Variants in ERLIN2 observed in about 807,000 individuals in gnomAD.
The protein encoded by ERLIN2 is erlin-2.
A neutral mutation model predicts 41.5 loss-of-function variants in ERLIN2; 22 were observed. The ratio of observed to expected loss-of-function variants is 0.53; its 90% confidence interval spans 0.38 to 0.76. The LOEUF is 0.76. Ranked by LOEUF, ERLIN2 falls within the 30% of genes least tolerant of loss-of-function variation. The pLI is 0.00. For synonymous variants in ERLIN2, 149 were observed against 150.9 expected (o/e 0.99, Z 0.09); for missense variants, 247 against 414.3 (o/e 0.60, Z 3.51).
intron 6 of ERLIN2, chr8:37,746,140 A>T (rs901310917): frequency 2.0e-6 from 2 of 992,776 alleles, no homozygotes; most frequent in East Asian, 2.2e-4. Flanking sequence ...AGCAAGCACT[A>T]CTTGGCTTAG....
chr8:37,748,358 G>A (rs766134015), intron 6 of ERLIN2, among the ~76,000 whole-genome samples: 1 of 152,152 alleles, frequency 6.6e-6, no homozygotes, highest in Non-Finnish European at 1.5e-5. Flanking sequence ...TTTAGTTCTA[G>A]TTGTTAAATT....
chr8:37,749,789 T>C lies in ERLIN2; in HGVS notation c.499-5T>C, dbSNP rs1217015088. The C allele has an allele frequency of 6.2e-7, 1 of 1,613,900 alleles. No individual in the cohort carries two copies. Among genetic ancestry groups the C allele is most frequent in the African/African-American group, 1.3e-5 (1 of 74,900 alleles). ...CCATCAGCTGCTGTTTTAATCTCTC[T>C]CCAGGCTGTGCGGGTAACAAAGCCC... On this transcript the variant is annotated splice_region_variant and splice_polypyrimidine_tract_variant and intron_variant, in intron 7 of 11. Transcript: ENST00000519638.
intron 2 of ERLIN2, among the ~76,000 whole-genome samples, chr8:37,739,988 T>C (rs1802794172): frequency 6.6e-6 from 1 of 151,994 alleles, no homozygotes. Flanking sequence ...TTTCCTTTTC[T>C]TTTTTTGTAG....
At position 37,741,855 on chromosome 8, in the gene ERLIN2, A is replaced by C; in HGVS notation, c.236+37A>C. 1 of 1,551,742 alleles carries C rather than the reference A, an allele frequency of 6.4e-7. No individual in the cohort carries two copies. Among genetic ancestry groups the C allele is most frequent in the Non-Finnish European group, 8.9e-7 (1 of 1,122,930 alleles). On this transcript the variant is annotated intron_variant, in intron 4 of 11. Transcript: ENST00000519638. The surrounding 1 kb of genome is among the most constrained non-coding windows in gnomAD (Gnocchi z 4.8). ...AGAATAAAGCTTTTAAGCCCAAATA[A>C]GTCAGAGAAAAGGCTGTCTGGCTGG... is the stretch of plus-strand genomic sequence containing the variant.
At chr8:37,753,552 T>C (rs768836055) in intron 11 of ERLIN2, 23 bp downstream of exon 11, 23 of 1,606,378 alleles carry the variant, frequency 1.4e-5, no homozygotes, top group Non-Finnish European at 1.9e-5. Flanking sequence ...CACAGCCTGA[T>C]AAAAAGGAGT....
intron 6 of ERLIN2, chr8:37,747,369 C>A (rs1352538416): frequency 7.0e-7 from 1 of 1,422,804 alleles, no homozygotes; most frequent in Admixed American, 1.7e-5. Context: ...AGGTCCCCTT[C>A]ATTTTCACTT....
Position 37,757,359 on chromosome 8 carries a change from T to C in ERLIN2, c.*3244T>C, listed in dbSNP as rs1803383385. 2 of 152,184 alleles carry C rather than the reference T, an allele frequency of 1.3e-5. No homozygotes were observed. Among genetic ancestry groups the C allele is most frequent in the East Asian group, 1.9e-4 (1 of 5,198 alleles). 9.4% of individuals were successfully genotyped at this position (152,184 alleles called of 1,614,324 possible). On this transcript the variant is annotated 3_prime_UTR_variant, in exon 12 of 12. Coordinates refer to ENST00000519638, the MANE Select transcript of ERLIN2 (RefSeq NM_007175.8). ...TTGTTTCTAGCCACTGTTTTTTTTT[T>C]CTTGTTTCCTTATAAAACAGGTAAT...
intron 4 of ERLIN2, among the ~76,000 whole-genome samples, chr8:37,742,663 G>A (rs1354543915): frequency 6.6e-6 from 1 of 152,122 alleles, no homozygotes; most frequent in Admixed American, 6.6e-5. Context: ...AGTGGATAGG[G>A]GGTGGGGAGA....
intron 4 of ERLIN2, among the ~76,000 whole-genome samples, chr8:37,743,496 C>G (rs896479463): frequency 2.0e-5 from 3 of 152,134 alleles, no homozygotes; most frequent in Non-Finnish European, 4.4e-5. Context: ...ACAGCCCACC[C>G]TTATGACCTG....
Position 37,737,944 on chromosome 8 carries a change from G to C in ERLIN2, c.22G>C (p.Val8Leu), listed in dbSNP as rs773945506. MAQLGAV[V>L]AVASSFFCAS... ...ACTGATGGCTCAGTTGGGAGCAGTT[G>C]TGGCTGTGGCTTCCAGTTTCTTTTG... The change falls in exon 2 of 12, where the codon GTG (valine) becomes CTG (leucine). Residue 8 changes from valine to leucine, a missense_variant. By Grantham distance (32) the Val-to-Leu change is conservative (BLOSUM62 1). Coordinates refer to ENST00000519638, the MANE Select transcript of ERLIN2 (RefSeq NM_007175.8). The C allele has an allele frequency of 6.2e-7, 1 of 1,614,192 alleles. No individual in the cohort carries two copies. The highest frequency in any genetic ancestry group is 8.5e-7 in the Non-Finnish European group (1 of 1,180,024).
intron 8 of ERLIN2, chr8:37,750,174 T>C: frequency 1.6e-6 from 1 of 622,974 alleles, no homozygotes; most frequent in Non-Finnish European, 2.8e-6. Context: ...AGGTGTATTT[T>C]ACTAAATTAT....
Position 37,756,679 on chromosome 8 carries a change from G to C in ERLIN2, c.*2564G>C, listed in dbSNP as rs1803366133. 6.6e-6 allele frequency: 1 copy of C among 152,588 alleles called. No individual in the cohort carries two copies. The highest frequency in any genetic ancestry group is 2.1e-4 in the South Asian group (1 of 4,830). The allele number at this position is 152,588 out of a possible 1,614,324, so 9.5% of individuals were successfully genotyped here. Reference sequence around the variant, plus strand: ...TTTATTTGCATAGGACAACTAACCTGTCTGTGTAACTTTGTTTTTATTTTA... The same window carrying C: ...TTTATTTGCATAGGACAACTAACCTCTCTGTGTAACTTTGTTTTTATTTTA... On this transcript the variant is annotated 3_prime_UTR_variant, in exon 12 of 12. Transcript: ENST00000519638.
At chr8:37,737,816 G>A in intron 1 of ERLIN2, 92 bp from the exon 2 acceptor site, 3 of 1,506,230 alleles carry the variant, frequency 2.0e-6, no homozygotes, top group Non-Finnish European at 9.1e-7. Flanking sequence ...TGAGTCACTC[G>A]CAGGGAGCTC....
chr8:37,749,889 G>GCCTCCCA lies in ERLIN2; in HGVS notation c.557+49_557+55dup, dbSNP rs756644311. On this transcript the variant is annotated intron_variant, in intron 8 of 11. Coordinates refer to ENST00000519638, the MANE Select transcript of ERLIN2 (RefSeq NM_007175.8). ...CTCCGCCTGGGCTGTGACCACCACT[G>GCCTCCCA]CCTCCCACCTCCCACCTCGTCCCAT... 8 of 1,569,436 alleles carry GCCTCCCA rather than the reference G, an allele frequency of 5.1e-6. No homozygotes were observed. In the African/African-American group the frequency reaches 9.5e-5, roughly 19 times the overall value.
rs1240070733 is a variant in ERLIN2, at chr8:37,744,552, C to T, written c.299-19C>T. 1 of 1,614,090 alleles carries T rather than the reference C, an allele frequency of 6.2e-7. No homozygotes were observed. The highest frequency in any genetic ancestry group is 2.2e-5 in the East Asian group (1 of 44,888). On this transcript the variant is annotated intron_variant, in intron 5 of 11. Coordinates refer to ENST00000519638, the MANE Select transcript of ERLIN2 (RefSeq NM_007175.8). Reference sequence around the variant, plus strand: ...GAGTCTTGCCTTTTCTTATGCCAAGCCCTCTCCTTCCCTCTCAGTGTATGA... The same window carrying T: ...GAGTCTTGCCTTTTCTTATGCCAAGTCCTCTCCTTCCCTCTCAGTGTATGA...
intron 4 of ERLIN2, among the ~76,000 whole-genome samples, chr8:37,742,989 C>G (rs948556491): frequency 2.0e-5 from 3 of 152,182 alleles, no homozygotes; most frequent in Admixed American, 2.0e-4. Flanking sequence ...AACACTGCTA[C>G]AGCGGTCCCA....
In ERLIN2 at chr8:37,754,417, G is replaced by C. The variant is rs1803307708; in HGVS notation, c.*302G>C. On this transcript the variant is annotated 3_prime_UTR_variant, in exon 12 of 12. Transcript: ENST00000519638. Reference sequence around the variant, plus strand: ...TGAGGCTGGCTTAATTAGGGATGCTGTCATTAAGGAGAGGGAGAAATGTAG... The same window carrying C: ...TGAGGCTGGCTTAATTAGGGATGCTCTCATTAAGGAGAGGGAGAAATGTAG... 5.0e-5 allele frequency: 20 copies of C among 396,426 alleles called. No individual in the cohort carries two copies. The highest frequency in any genetic ancestry group is 3.9e-4 in the South Asian group (18 of 45,944). The allele number at this position is 396,426 out of a possible 1,614,324, so 24.6% of individuals were successfully genotyped here.
intron 6 of ERLIN2, among the ~76,000 whole-genome samples, chr8:37,746,730 CTTT>C (rs1365941520): frequency 1.3e-5 from 2 of 152,182 alleles, no homozygotes; most frequent in Non-Finnish European, 2.9e-5. Context: ...GCTTTTCCTT[CTTT>C]GAGTATAAAG....
intron 6 of ERLIN2, chr8:37,748,036 C>G: frequency 1.3e-6 from 2 of 1,582,014 alleles, no homozygotes; most frequent in Non-Finnish European, 1.7e-6. Flanking sequence ...AAACTCTACG[C>G]AAAGAAGAGG....
Sources: gnomAD v4.1 joint callset for allele counts (sites outside exome capture counted in the v4.1 genomes callset) on GRCh38, gnomAD v4.1.1 for gene constraint, Gnocchi (gnomAD v3.1) non-coding constraint, MANE v1.5 for transcripts, NCBI Gene and HGNC (gene_info 2026-07-23, HGNC 2026-07-21) for gene names.